TMEM151A: variants seen among roughly 807,000 people sequenced by gnomAD.
The protein encoded by TMEM151A is transmembrane protein 151.
A neutral mutation model predicts 33.7 loss-of-function variants in TMEM151A; 21 were observed. That is an observed-to-expected ratio of 0.62 (90% CI 0.44 to 0.90). The LOEUF is 0.90. TMEM151A is among the 40% of genes least tolerant of loss of function. The pLI, the probability that TMEM151A is intolerant of heterozygous loss-of-function variation, is 0.00. For missense variants in TMEM151A, 704 were observed against 697.7 expected (o/e 1.01, Z -0.10); for synonymous variants, 374 against 330.3 (o/e 1.13, Z -1.43).
intron 1 of TMEM151A, among the ~76,000 whole-genome samples, chr11:66,293,120 G>A (rs1857473875): frequency 6.6e-6 from 1 of 152,090 alleles, no homozygotes; most frequent in South Asian, 2.1e-4. Context: ...GCCCTCCACG[G>A]TGGGTGGGTC....
rs1174245614 is a variant in TMEM151A at position 66,295,966 on chromosome 11, G to C, written c.*313G>C. 1.8e-5 allele frequency: 5 copies of C among 270,796 alleles called. No individual in the cohort carries two copies. Among genetic ancestry groups the C allele is most frequent in the Non-Finnish European group, 3.5e-5 (5 of 143,996 alleles). The allele number at this position is 270,796 out of a possible 1,614,324, so 16.8% of individuals were successfully genotyped here. On this transcript the variant is annotated 3_prime_UTR_variant, in exon 2 of 2. Coordinates refer to ENST00000327259, the MANE Select transcript of TMEM151A (RefSeq NM_153266.4). Reference sequence around the variant, plus strand: ...AAGGCTGGGATGGAGGAGGAGTCCTGCGGCCAGCTGTTGCCTGCAGCAGAG... The same window carrying C: ...AAGGCTGGGATGGAGGAGGAGTCCTCCGGCCAGCTGTTGCCTGCAGCAGAG...
At position 66,295,656 on chromosome 11, in the gene TMEM151A, C is replaced by T. The variant is rs779141685; in HGVS notation, c.*3C>T. 7 of 1,070,874 alleles carry T rather than the reference C, an allele frequency of 6.5e-6. No homozygotes were observed. The highest frequency in any genetic ancestry group is 2.9e-5 in the East Asian group (1 of 34,894). The allele number at this position is 1,070,874 out of a possible 1,614,324, so 66.3% of individuals were successfully genotyped here. On this transcript the variant is annotated 3_prime_UTR_variant, in exon 2 of 2. Transcript: ENST00000327259. ...GGGATGGGCAGGGTGCTCTCTGAGA[C>T]CCCCCACGGCCCCCAGAGTGGCCCC... is the stretch of plus-strand genomic sequence containing the variant.
In TMEM151A at chr11:66,295,041, C is replaced by T; in HGVS notation, c.795C>T (p.Asp265=). ...AGGGCATGCACCTGAAGGACGTAGA[C>T]TTCCGCGAGTCGCTCATGGTCTTCG... The part of the protein sequence containing the change: ...AREGMHLKDV[D]FRESLMVFAD... Residue 265 remains aspartate, a synonymous_variant, in exon 2 of 2, where the codon GAC becomes GAT. Coordinates refer to ENST00000327259, the MANE Select transcript of TMEM151A (RefSeq NM_153266.4). 7 of 1,598,992 alleles carry T rather than the reference C, an allele frequency of 4.4e-6. No homozygotes were observed. The highest frequency in any genetic ancestry group is 5.9e-6 in the Non-Finnish European group (7 of 1,179,172).
rs1305463827 is a variant in TMEM151A at position 66,291,964 on chromosome 11, C to G, written c.-50C>G. On this transcript the variant is annotated 5_prime_UTR_variant, in exon 1 of 2. Transcript: ENST00000327259. ...CGCGTCGCAGCCCTCCGTGCTCCCC[C>G]CTATCATGCCCGGTGCCCAGGCTGG... 6.9e-7 allele frequency: 1 copy of G among 1,453,326 alleles called. No homozygotes were observed. Among genetic ancestry groups the G allele is most frequent in the Non-Finnish European group, 9.1e-7 (1 of 1,094,644 alleles). The allele number at this position is 1,453,326 out of a possible 1,614,324, so 90.0% of individuals were successfully genotyped here. A position where few individuals can be genotyped will look rare whatever the true frequency, so the allele number is the denominator to read the frequency against.
intron 1 of TMEM151A, among the ~76,000 whole-genome samples, chr11:66,293,982 G>A (rs566563038): frequency 6.6e-6 from 1 of 152,336 alleles, no homozygotes; most frequent in Admixed American, 6.5e-5. Context: ...CAGCAAATCA[G>A]GGCAGAGCCA....
At position 66,295,230 on chromosome 11, in the gene TMEM151A, C is replaced by A. The variant is rs759589977; in HGVS notation, c.984C>A (p.Ala328=). The stretch of plus-strand genomic sequence containing the variant: ...GCGCCAGCTCGCCCCCGCCGGGGGC[C>A]GTGCCCAGCGGGCCCCCGCTGTCCC... ...LFGASSPPPG[A]VPSGPPLSRV... Residue 328 remains alanine, a synonymous_variant, in exon 2 of 2, where the codon GCC becomes GCA. Coordinates refer to ENST00000327259, the MANE Select transcript of TMEM151A (RefSeq NM_153266.4). The A allele has an allele frequency of 3.8e-6, 6 of 1,564,354 alleles. No individual in the cohort carries two copies. The East Asian group carries it at 9.5e-5, about 25-fold the overall frequency.
Position 66,291,960 on chromosome 11 carries a change from C to G in TMEM151A, c.-54C>G, listed in dbSNP as rs1857459352. Reference sequence around the variant, plus strand: ...GGGCCGCGTCGCAGCCCTCCGTGCTCCCCCCTATCATGCCCGGTGCCCAGG... The same window carrying G: ...GGGCCGCGTCGCAGCCCTCCGTGCTGCCCCCTATCATGCCCGGTGCCCAGG... On this transcript the variant is annotated 5_prime_UTR_variant, in exon 1 of 2. Coordinates refer to ENST00000327259, the MANE Select transcript of TMEM151A (RefSeq NM_153266.4). The G allele has an allele frequency of 7.0e-7, 1 of 1,423,656 alleles. No homozygotes were observed. The highest frequency in any genetic ancestry group is 9.3e-7 in the Non-Finnish European group (1 of 1,072,372). The allele number at this position is 1,423,656 out of a possible 1,614,324, so 88.2% of individuals were successfully genotyped here.
chr11:66,294,815 G>C lies in TMEM151A; in HGVS notation c.569G>C (p.Arg190Pro). 1 of 1,541,810 alleles carries C rather than the reference G, an allele frequency of 6.5e-7. No homozygotes were observed. Among genetic ancestry groups the C allele is most frequent in the South Asian group, 1.2e-5 (1 of 84,114 alleles). Residue 190 changes from arginine to proline, a missense_variant, in exon 2 of 2, where the codon CGC becomes CCC. Arg to Pro is a moderately radical substitution (Grantham distance 103). Around this residue, in one of 3 missense-constraint regions of TMEM151A, gnomAD observed 301 missense variants for 323.4 expected, o/e 0.93. Transcript: ENST00000327259. ...YHERADSRTA[R>P]GEFDYSAHGV... ...GAGCGCGCTGACAGCCGCACGGCCC[G>C]CGGCGAGTTTGACTACTCGGCGCAC... is the stretch of plus-strand genomic sequence containing the variant.
At position 66,295,434 on chromosome 11, in the gene TMEM151A, G is replaced by T; in HGVS notation, c.1188G>T (p.Gly396=). The change falls in exon 2 of 2, where the codon GGG becomes GGT. Residue 396 remains glycine (G), a synonymous_variant. Transcript: ENST00000327259. ...SNSLPPARPS[G]PRLPFSRSRL... ...CGCTGCCCCCCGCCCGGCCCAGCGG[G>T]CCCCGCCTGCCCTTCAGCCGCAGCC... 1 of 1,455,634 alleles carries T rather than the reference G, an allele frequency of 6.9e-7. No homozygotes were observed. The highest frequency in any genetic ancestry group is 2.9e-5 in the East Asian group (1 of 34,054). 90.2% of individuals were successfully genotyped at this position (1,455,634 alleles called of 1,614,324 possible).
Position 66,292,119 on chromosome 11 carries a change from C to T in TMEM151A, c.75+31C>T. On this transcript the variant is annotated intron_variant, in intron 1 of 1. Transcript: ENST00000327259. This position sits in a 1 kb window ranked among gnomAD's most constrained non-coding sequence, Gnocchi z 4.7. Reference sequence around the variant, plus strand: ...GGCGCTGGGGGGGCCGGAGCCGGGCCTGGGGCGGCGTGAGAGGGACCAGTG... The same window carrying T: ...GGCGCTGGGGGGGCCGGAGCCGGGCTTGGGGCGGCGTGAGAGGGACCAGTG... 1.4e-6 allele frequency: 2 copies of T among 1,411,250 alleles called. No homozygotes were observed. The highest frequency in any genetic ancestry group is 6.0e-5 in the East Asian group (2 of 33,396). 87.4% of individuals were successfully genotyped at this position (1,411,250 alleles called of 1,614,324 possible). A position where few individuals can be genotyped will look rare whatever the true frequency, so the allele number is the denominator to read the frequency against.
intron 1 of TMEM151A, among the ~76,000 whole-genome samples, chr11:66,293,075 G>A (rs479018): frequency 0.22 from 33,726 of 152,084 alleles, 4,981 homozygotes; most frequent in Non-Finnish European, 0.33. Flanking sequence ...GGGGACAGGC[G>A]AGGGTCTGGA....
In TMEM151A at chr11:66,294,699, G is replaced by A; in HGVS notation, c.453G>A (p.Trp151Ter). The A allele has an allele frequency of 6.3e-7, 1 of 1,580,462 alleles. No homozygotes were observed. The highest frequency in any genetic ancestry group is 8.6e-7 in the Non-Finnish European group (1 of 1,163,856). The part of the protein sequence containing the change: ...RLQQAPPCVW[W>*]KATSYHYVRR... ...AGCAGGCGCCGCCGTGCGTCTGGTGGAAGGCCACCAGCTATCACTACGTGC... is the reference window on the plus strand; with the variant it reads ...AGCAGGCGCCGCCGTGCGTCTGGTGAAAGGCCACCAGCTATCACTACGTGC... The change falls in exon 2 of 2, where the codon TGG becomes TGA. Residue 151 changes from tryptophan (W) to a stop codon, truncating the protein, a stop_gained. Coordinates refer to ENST00000327259, the MANE Select transcript of TMEM151A (RefSeq NM_153266.4). LOFTEE classifies it high-confidence loss of function.
Position 66,292,052 on chromosome 11 carries a change from C to A in TMEM151A, c.39C>A (p.Pro13=). Residue 13 remains proline, a synonymous_variant, in exon 1 of 2, where the codon CCC becomes CCA. Coordinates refer to ENST00000327259, the MANE Select transcript of TMEM151A (RefSeq NM_153266.4). The surrounding 1 kb of genome is among the most constrained non-coding windows in gnomAD (Gnocchi z 4.7). ...GCGCTGGCGACGGCGGGGAGGTGCCCGCGCTCATCCCGGACGGCGAGCCGC... is the reference window on the plus strand; with the variant it reads ...GCGCTGGCGACGGCGGGGAGGTGCCAGCGCTCATCCCGGACGGCGAGCCGC... ...EDGAGDGGEV[P]ALIPDGEPLR... is the part of the protein sequence containing the mutation. The A allele has an allele frequency of 6.7e-7, 1 of 1,493,924 alleles. No homozygotes were observed. Among genetic ancestry groups the A allele is most frequent in the Non-Finnish European group, 8.9e-7 (1 of 1,129,286 alleles). 92.5% of individuals were successfully genotyped at this position (1,493,924 alleles called of 1,614,324 possible).
chr11:66,294,555 G>C lies in TMEM151A; in HGVS notation c.309G>C (p.Leu103=). Residue 103 remains leucine (L), a synonymous_variant, in exon 2 of 2, where the codon CTG becomes CTC. Transcript: ENST00000327259. The part of the protein sequence containing the change: ...PCSDGYLYIP[L]AFVSLLYLLY... ...CCGATGGCTACCTGTACATCCCGCT[G>C]GCCTTCGTCTCCCTCCTCTACCTCC... 1.2e-6 allele frequency: 2 copies of C among 1,612,936 alleles called. No individual in the cohort carries two copies. Among genetic ancestry groups the C allele is most frequent in the Non-Finnish European group, 1.7e-6 (2 of 1,179,496 alleles).
rs1366196571 is a variant in TMEM151A, at chr11:66,295,347, C to T, written c.1101C>T (p.Gly367=). The T allele has an allele frequency of 1.9e-6, 3 of 1,583,096 alleles. No individual in the cohort carries two copies. Among genetic ancestry groups the T allele is most frequent in the Non-Finnish European group, 2.6e-6 (3 of 1,166,566 alleles). The change falls in exon 2 of 2, where the codon GGC becomes GGT. Residue 367 remains glycine, a synonymous_variant. Transcript: ENST00000327259. ...VPSYSEAVVM[G]AGSGAYLRGC... ...GCTACTCGGAGGCCGTGGTCATGGG[C>T]GCGGGCTCGGGCGCCTACCTCAGAG...
rs750973146 is a variant in TMEM151A at position 66,294,283 on chromosome 11, C to T, written c.76-39C>T. 2.5e-6 allele frequency: 4 copies of T among 1,594,816 alleles called. No homozygotes were observed. In the Admixed American group the frequency reaches 5.1e-5, roughly 20 times the overall value. Reference sequence around the variant, plus strand: ...AAAGTGGCAGGCCCCACTGATGGCCCCACCTGACACAGACTTCCCTTTCTC... The same window carrying T: ...AAAGTGGCAGGCCCCACTGATGGCCTCACCTGACACAGACTTCCCTTTCTC... On this transcript the variant is annotated intron_variant, in intron 1 of 1. Coordinates refer to ENST00000327259, the MANE Select transcript of TMEM151A (RefSeq NM_153266.4).
rs1857492073 is a variant in TMEM151A at position 66,294,690 on chromosome 11, C to T, written c.444C>T (p.Cys148=). The part of the protein sequence containing the change: ...LIRRLQQAPP[C]VWWKATSYHY... ...GCCGGCTGCAGCAGGCGCCGCCGTG[C>T]GTCTGGTGGAAGGCCACCAGCTATC... The change falls in exon 2 of 2, where the codon TGC becomes TGT. Residue 148 remains cysteine (C), a synonymous_variant. Coordinates refer to ENST00000327259, the MANE Select transcript of TMEM151A (RefSeq NM_153266.4). 5 of 1,585,800 alleles carry T rather than the reference C, an allele frequency of 3.2e-6. No individual in the cohort carries two copies. The highest frequency in any genetic ancestry group is 4.3e-6 in the Non-Finnish European group (5 of 1,166,696).
chr11:66,293,995 A>T (rs753337638), intron 1 of TMEM151A, among the ~76,000 whole-genome samples: 1 of 152,228 alleles, frequency 6.6e-6, no homozygotes, highest in Non-Finnish European at 1.5e-5. Context: ...CAGAGCCAGG[A>T]CCAGAACCCA....
intron 1 of TMEM151A, 136 bp from the exon 2 acceptor site, chr11:66,294,186 A>G (rs987536550): frequency 3.7e-6 from 5 of 1,339,034 alleles, no homozygotes; most frequent in South Asian, 1.4e-5. Context: ...CAAGCTGCTC[A>G]TCCCTCTAAG....
Sources: gnomAD v4.1 joint callset for allele counts (sites outside exome capture counted in the v4.1 genomes callset) on GRCh38, gnomAD v4.1.1 for gene constraint, gnomAD v4.1.1 regional missense constraint, Gnocchi (gnomAD v3.1) non-coding constraint, MANE v1.5 for transcripts, NCBI Gene and HGNC (gene_info 2026-07-23, HGNC 2026-07-21) for gene names.